Variants in ZFHX3 observed in about 807,000 individuals in gnomAD.
ZFHX3 encodes the protein zinc finger homeobox 3.
Under a neutral mutation model 279.1 loss-of-function variants are expected in ZFHX3, and 42 were observed. That is an observed-to-expected ratio of 0.15 (90% CI 0.12 to 0.19). ZFHX3 has a LOEUF of 0.19. Among genes scored for constraint, ZFHX3 ranks in the 10% least tolerant of loss-of-function variants. The pLI is 1.00. For missense variants in ZFHX3, 4,981 were observed against 4,754.0 expected (o/e 1.05, Z -1.40); for synonymous variants, 2,293 against 1,957.8 (o/e 1.17, Z -4.52).
rs74030157 is a variant in ZFHX3, at chr16:73,656,831, T to C, written c.-1547+23349A>G. ...TACCCTTTTCTCATTCTTTCTAAAT[T>C]TCAAACATGATTTATATCAAAATGT... On this transcript the variant is annotated intron_variant, in intron 2 of 17. Transcript: ENST00000641206. 5.7e-3 allele frequency among the ~76,000 whole-genome samples: 874 copies of C among 152,344 alleles called. 10 individuals carry two copies. Among genetic ancestry groups the C allele is most frequent in the African/African-American group, 0.019 (808 of 41,582 alleles).
At chr16:73,402,194 A>G (rs1461699809) in intron 3 of ZFHX3, 1 of 152,160 alleles carries the variant, frequency 6.6e-6, no homozygotes, top group Admixed American at 6.5e-5. Flanking sequence ...AACTTTTCCT[A>G]CCTTTTCTTG....
chr16:73,689,080 C>T (rs1715959182), intron 1 of ZFHX3, among the ~76,000 whole-genome samples: 1 of 152,212 alleles, frequency 6.6e-6, no homozygotes. Context: ...ACAAAACTTA[C>T]TGGGTTTAAT....
At chr16:73,258,265 T>C (rs1003253552) in intron 4 of ZFHX3, among the ~76,000 whole-genome samples, 5 of 152,128 alleles carry the variant, frequency 3.3e-5, no homozygotes, top group South Asian at 2.1e-4. Flanking sequence ...TTGGCAAGCA[T>C]TGGAAAAGAT....
At chr16:73,572,283 AAG>A (rs1262491718) in intron 2 of ZFHX3, among the ~76,000 whole-genome samples, 1 of 151,486 alleles carries the variant, frequency 6.6e-6, no homozygotes, top group African/African-American at 2.4e-5. Flanking sequence ...CTGTTTTTTT[AAG>A]AGTGTGCTAG....
chr16:72,940,988 G>C (rs1333588639), intron 3 of ZFHX3, among the ~76,000 whole-genome samples: 2 of 152,216 alleles, frequency 1.3e-5, no homozygotes, highest in African/African-American at 4.8e-5. Context: ...CGCACTGTGA[G>C]CAATGCTCAC....
intron 5 of ZFHX3, among the ~76,000 whole-genome samples, chr16:73,201,308 A>G (rs1018143007): frequency 3.9e-5 from 6 of 152,230 alleles, no homozygotes; most frequent in African/African-American, 1.2e-4. Flanking sequence ...AGGAAAACAG[A>G]ACCAAAGTAG....
chr16:73,654,628 T>G (rs1489390096), intron 2 of ZFHX3, among the ~76,000 whole-genome samples: 1 of 152,074 alleles, frequency 6.6e-6, no homozygotes, highest in Non-Finnish European at 1.5e-5. Context: ...ATAATTTGGT[T>G]GTAAACCAAA....
chr16:73,129,144 G>A (rs1268276626), intron 7 of ZFHX3, among the ~76,000 whole-genome samples: 1 of 152,112 alleles, frequency 6.6e-6, no homozygotes, highest in Non-Finnish European at 1.5e-5. Context: ...CCAGCACTTT[G>A]GGAGGCTGAA....
intron 4 of ZFHX3, among the ~76,000 whole-genome samples, chr16:73,262,919 C>T (rs191263564): frequency 7.2e-5 from 11 of 152,076 alleles, no homozygotes; most frequent in South Asian, 6.2e-4. Context: ...ATCAGCTGGC[C>T]GACTGCCAGA....
In ZFHX3 at chr16:73,885,235, A is replaced by AG. The variant is rs1192750791; in HGVS notation, c.-1608+6415dup. Among the ~76,000 whole-genome samples, 5 of 152,124 alleles carry AG rather than the reference A, an allele frequency of 3.3e-5. No homozygotes were observed. In the East Asian group the frequency reaches 9.6e-4, roughly 29 times the overall value. Reference sequence around the variant, plus strand: ...TTTCCCTTTGACTGAAGGGTGAGACAGGGGGGTATTAAAAACTGATCAATG... The same window carrying AG: ...TTTCCCTTTGACTGAAGGGTGAGACAGGGGGGGTATTAAAAACTGATCAATG... On this transcript the variant is annotated intron_variant, in intron 1 of 17. Coordinates refer to the ZFHX3 transcript ENST00000641206.
At chr16:73,344,474 A>G (rs962793564) in intron 3 of ZFHX3, among the ~76,000 whole-genome samples, 7 of 152,232 alleles carry the variant, frequency 4.6e-5, no homozygotes, top group African/African-American at 1.7e-4. Flanking sequence ...CGGATAAAGC[A>G]CATTCTTGGA....
chr16:73,840,147 G>A (rs1013547164), intron 1 of ZFHX3, among the ~76,000 whole-genome samples: 1 of 152,154 alleles, frequency 6.6e-6, no homozygotes, highest in South Asian at 2.1e-4. Context: ...AATAAGTAAT[G>A]TATGACCCTA....
chr16:72,801,342 A>T (rs192956318), intron 7 of ZFHX3, among the ~76,000 whole-genome samples: 60 of 152,280 alleles, frequency 3.9e-4, no homozygotes, highest in Admixed American at 8.5e-4. Flanking sequence ...GAATACGTAG[A>T]TTTCTGTTCA....
chr16:73,180,990 C>T (rs922569767), intron 5 of ZFHX3, among the ~76,000 whole-genome samples: 17 of 152,172 alleles, frequency 1.1e-4, no homozygotes, highest in African/African-American at 3.4e-4. Context: ...TGGCATTCTC[C>T]TTGAGTCAGA....
At chr16:72,874,745 C>T (rs894722455) in intron 4 of ZFHX3, among the ~76,000 whole-genome samples, 10 of 152,272 alleles carry the variant, frequency 6.6e-5, no homozygotes, top group Middle Eastern at 6.8e-3. Flanking sequence ...CCTCCTGCCA[C>T]GGCCTCCCAA....
At chr16:73,591,712 A>AAG (rs1567527664) in intron 2 of ZFHX3, among the ~76,000 whole-genome samples, 1 of 147,402 alleles carries the variant, frequency 6.8e-6, no homozygotes, top group Non-Finnish European at 1.5e-5. Flanking sequence ...AAAAAAAAAA[A>AAG]AAAAAAGAAA....
At chr16:73,273,375 G>A (rs1253104853) in intron 4 of ZFHX3, among the ~76,000 whole-genome samples, 1 of 152,090 alleles carries the variant, frequency 6.6e-6, no homozygotes, top group Non-Finnish European at 1.5e-5. Context: ...TTCCTCATGT[G>A]GCTAGAAAAT....
chr16:73,742,307 G>T (rs1044109635), intron 1 of ZFHX3, among the ~76,000 whole-genome samples: 1 of 152,092 alleles, frequency 6.6e-6, no homozygotes, highest in Non-Finnish European at 1.5e-5. Context: ...ACCTCTAAAA[G>T]GATAGAGAGC....
chr16:73,581,828 C>T (rs768308872), intron 2 of ZFHX3, among the ~76,000 whole-genome samples: 4 of 151,494 alleles, frequency 2.6e-5, no homozygotes, highest in Admixed American at 1.3e-4. Context: ...TGCCACCACA[C>T]ACACCTGGCT....
Sources: gnomAD v4.1 joint callset for allele counts (sites outside exome capture counted in the v4.1 genomes callset) on GRCh38, gnomAD v4.1.1 for gene constraint, MANE v1.5 for transcripts, NCBI Gene and HGNC (gene_info 2026-07-23, HGNC 2026-07-21) for gene names.